Variants in ZNF385D observed in about 807,000 individuals in gnomAD.
The protein encoded by ZNF385D is zinc finger protein 385D, also known as zinc finger protein 659.
A neutral mutation model predicts 35.8 loss-of-function variants in ZNF385D; 15 were observed. That is an observed-to-expected ratio of 0.42 (90% CI 0.28 to 0.64). The LOEUF is 0.64. ZNF385D is among the 30% of genes least tolerant of loss of function. The pLI is 0.23. For missense variants in ZNF385D, 474 were observed against 494.6 expected, an observed-to-expected ratio of 0.96 and a Z score of 0.39; for synonymous variants, 212 against 186.8, an observed-to-expected ratio of 1.13 and a Z score of -1.10.
chr3:22,326,341 G>T (rs927293000), intron 2 of ZNF385D, among the ~76,000 whole-genome samples: 2 of 152,176 alleles, frequency 1.3e-5, no homozygotes, highest in East Asian at 1.9e-4. Context: ...AAGACTGGGG[G>T]CCCAAAATCC....
intron 2 of ZNF385D, among the ~76,000 whole-genome samples, chr3:21,639,278 T>G (rs1171299273): frequency 6.6e-6 from 1 of 151,962 alleles, no homozygotes; most frequent in Non-Finnish European, 1.5e-5. Context: ...ATTATGTGAC[T>G]CCCTCCACTA....
At chr3:22,104,143 G>C (rs1165433825) in intron 3 of ZNF385D, among the ~76,000 whole-genome samples, 1 of 152,016 alleles carries the variant, frequency 6.6e-6, no homozygotes, top group Non-Finnish European at 1.5e-5. Context: ...AATTGGTCCA[G>C]CTCTGAGGGA....
At chr3:21,828,571 T>C (rs781116129) in intron 3 of ZNF385D, among the ~76,000 whole-genome samples, 13 of 152,364 alleles carry the variant, frequency 8.5e-5, no homozygotes, top group African/African-American at 1.2e-4. Flanking sequence ...TCATTTGTTC[T>C]ACAAATATTT....
At chr3:22,369,472 G>A (rs181155535) in intron 2 of ZNF385D, among the ~76,000 whole-genome samples, 3 of 151,888 alleles carry the variant, frequency 2.0e-5, no homozygotes, top group Non-Finnish European at 4.4e-5. Flanking sequence ...CTTAACTACT[G>A]CCAAAAAATA....
intron 2 of ZNF385D, among the ~76,000 whole-genome samples, chr3:22,205,141 C>T (rs912968559): frequency 4.0e-5 from 6 of 151,788 alleles, no homozygotes; most frequent in African/African-American, 1.2e-4. Flanking sequence ...AAATGGCATC[C>T]AATGAAGCTC....
intron 2 of ZNF385D, among the ~76,000 whole-genome samples, chr3:22,247,199 T>C (rs568170549): frequency 2.0e-5 from 3 of 152,238 alleles, no homozygotes; most frequent in Non-Finnish European, 4.4e-5. Context: ...TTGATAATAA[T>C]GTCCTTTAGA....
chr3:21,972,951 C>G (rs981510470), intron 3 of ZNF385D, among the ~76,000 whole-genome samples: 1 of 151,878 alleles, frequency 6.6e-6, no homozygotes, highest in African/African-American at 2.4e-5. Flanking sequence ...AAAGAAAATA[C>G]TAGGACCCAG....
intron 2 of ZNF385D, among the ~76,000 whole-genome samples, chr3:22,335,417 T>C (rs1330992412): frequency 1.3e-5 from 2 of 152,194 alleles, no homozygotes; most frequent in Non-Finnish European, 2.9e-5. Context: ...GTCTAATATT[T>C]TTTCCTTCCA....
At chr3:21,910,822 A>T (rs1699925654) in intron 3 of ZNF385D, among the ~76,000 whole-genome samples, 1 of 151,902 alleles carries the variant, frequency 6.6e-6, no homozygotes, top group African/African-American at 2.4e-5. Flanking sequence ...GAGTAATAAA[A>T]TAAATGTGAC....
intron 3 of ZNF385D, among the ~76,000 whole-genome samples, chr3:21,513,550 T>C (rs1707363904): frequency 6.6e-6 from 1 of 152,130 alleles, no homozygotes; most frequent in Admixed American, 6.6e-5. Flanking sequence ...AAATAAATTA[T>C]ATGAAGGTCC....
In ZNF385D at chr3:22,244,103, A is replaced by G. The variant is rs139809927; in HGVS notation, c.107-75068T>C. ...CTTTTTATATTTCCCCTTGAAGCCA[A>G]TGAACCTCTACAAAATCTACAGTTT... On this transcript the variant is annotated intron_variant, in intron 2 of 5. Coordinates refer to the ZNF385D transcript ENST00000494108. Among the ~76,000 whole-genome samples, 42 of 150,874 alleles carry G rather than the reference A, an allele frequency of 2.8e-4. 3 individuals are homozygous for G. The highest frequency in any genetic ancestry group is 1.0e-3 in the African/African-American group (41 of 40,806).
At chr3:21,982,947 A>T (rs1206898112) in intron 3 of ZNF385D, among the ~76,000 whole-genome samples, 2 of 151,978 alleles carry the variant, frequency 1.3e-5, no homozygotes, top group Non-Finnish European at 2.9e-5. Context: ...AGCCTACTTG[A>T]TCATAGCGGA....
At chr3:21,758,422 T>C (rs564774853) in intron 3 of ZNF385D, among the ~76,000 whole-genome samples, 1 of 152,260 alleles carries the variant, frequency 6.6e-6, no homozygotes, top group South Asian at 2.1e-4. Flanking sequence ...CAGAATTACA[T>C]GTATTTAGGC....
intron 3 of ZNF385D, among the ~76,000 whole-genome samples, chr3:21,985,706 C>A (rs1291803842): frequency 7.4e-6 from 1 of 135,784 alleles, no homozygotes; most frequent in Non-Finnish European, 1.6e-5. Flanking sequence ...AGGATTCCCT[C>A]TTTTTCTATT....
intron 6 of ZNF385D, among the ~76,000 whole-genome samples, chr3:21,424,305 A>ATATACT (rs1700895279): frequency 4.1e-5 from 2 of 48,544 alleles, no homozygotes; most frequent in South Asian, 9.6e-4. Flanking sequence ...ATATATTTAT[A>ATATACT]TATATATATA....
rs374166678 is a variant in ZNF385D, at chr3:22,240,201, A to AAAAAAAAG, written c.107-71167_107-71166insCTTTTTTT. ...CTGTCTCCAAAAAAAAAAAAAAAAA[A>AAAAAAAAG]AAGATTTCAGACACCTGGCTCCACC... is the stretch of plus-strand genomic sequence containing the variant. On this transcript the variant is annotated intron_variant, in intron 2 of 5. Coordinates refer to the ZNF385D transcript ENST00000494108. Among the ~76,000 whole-genome samples, 478 of 120,820 alleles carry AAAAAAAAG rather than the reference A, an allele frequency of 4.0e-3. 37 individuals are homozygous for AAAAAAAAG. Among genetic ancestry groups the AAAAAAAAG allele is most frequent in the East Asian group, 8.8e-3 (33 of 3,742 alleles). The allele number at this position is 120,820 out of a possible 152,430, so 79.3% of individuals were successfully genotyped here. A position where few individuals can be genotyped will look rare whatever the true frequency, so the allele number is the denominator to read the frequency against.
At chr3:22,238,311 A>G (rs546607559) in intron 2 of ZNF385D, among the ~76,000 whole-genome samples, 3 of 151,002 alleles carry the variant, frequency 2.0e-5, no homozygotes, top group Admixed American at 6.6e-5. Context: ...TTGCATTTCC[A>G]TATGAATTTT....
intron 2 of ZNF385D, among the ~76,000 whole-genome samples, chr3:22,343,378 C>G (rs954677101): frequency 2.1e-4 from 32 of 152,178 alleles, no homozygotes; most frequent in African/African-American, 7.2e-4. Flanking sequence ...TTTCCAGGAC[C>G]AAGAGTTGAA....
intron 2 of ZNF385D, among the ~76,000 whole-genome samples, chr3:22,259,618 T>A (rs566931544): frequency 2.0e-5 from 3 of 152,012 alleles, no homozygotes; most frequent in African/African-American, 4.8e-5. Flanking sequence ...AATTCAAGTT[T>A]TGAGATTTAA....
Sources: allele counts gnomAD v4.1 joint callset (sites outside exome capture counted in the v4.1 genomes callset), GRCh38; gene constraint gnomAD v4.1.1; transcripts MANE v1.5; gene names NCBI Gene and HGNC (gene_info 2026-07-23, HGNC 2026-07-21).